ADAMTS14: variants seen among roughly 807,000 people sequenced by gnomAD.
ADAMTS14 encodes A disintegrin and metalloproteinase with thrombospondin motifs 14.
ADAMTS14 carries 100 observed loss-of-function variants against 128.6 expected under a neutral mutation model. The observed-to-expected ratio is 0.78, with a 90% confidence interval of 0.66 to 0.92. The LOEUF (loss-of-function observed/expected upper bound fraction) is 0.92, where lower values mean the gene tolerates loss of function less well. Among genes scored for constraint, ADAMTS14 ranks in the 40% least tolerant of loss-of-function variants. The pLI is 0.00. For missense variants in ADAMTS14, 1,562 were observed against 1,658.6 expected (o/e 0.94, Z 1.01); for synonymous variants, 665 against 653.8 (o/e 1.02, Z -0.26).
At chr10:70,686,859 C>T (rs1839976167) in intron 2 of ADAMTS14, among the ~76,000 whole-genome samples, 1 of 77,466 alleles carries the variant, frequency 1.3e-5, no homozygotes, top group Non-Finnish European at 2.8e-5. Flanking sequence ...CCGGACGGGG[C>T]GGCTGGCTGG....
chr10:70,730,892 C>T (rs1343002638), intron 6 of ADAMTS14, among the ~76,000 whole-genome samples: 3 of 152,082 alleles, frequency 2.0e-5, no homozygotes, highest in Non-Finnish European at 2.9e-5. Context: ...AGAGACTTGC[C>T]CATGTGGTTT....
Position 70,674,077 on chromosome 10 carries a change from T to C in ADAMTS14, c.83-479T>C, listed in dbSNP as rs534812311. Reference sequence around the variant, plus strand: ...TCCTTGACACGTGCCCATGGTCCCCTGGGTTTCTAGGTGTGTTTGTTTTGC... The same window carrying C: ...TCCTTGACACGTGCCCATGGTCCCCCGGGTTTCTAGGTGTGTTTGTTTTGC... On this transcript the variant is annotated intron_variant, in intron 1 of 21. Transcript: ENST00000373207. Among the ~76,000 whole-genome samples, 8 of 152,232 alleles carry C rather than the reference T, an allele frequency of 5.3e-5. No individual in the cohort carries two copies. The East Asian group carries it at 1.2e-3, about 22-fold the overall frequency.
intron 13 of ADAMTS14, among the ~76,000 whole-genome samples, 173 bp from the exon 14 acceptor site, chr10:70,743,893 G>A (rs1051607622): frequency 3.3e-5 from 5 of 152,154 alleles, no homozygotes; most frequent in African/African-American, 1.2e-4. Flanking sequence ...TCATCACGCC[G>A]GGTGTAAGAC....
chr10:70,750,118 A>T lies in ADAMTS14; in HGVS notation c.2427+133A>T, dbSNP rs534906989. 4.2e-5 allele frequency: 49 copies of T among 1,173,832 alleles called. No individual in the cohort carries two copies. The African/African-American group carries it at 6.9e-4, about 17-fold the overall frequency. 72.7% of individuals were successfully genotyped at this position (1,173,832 alleles called of 1,614,324 possible). ...CCTGGGCAAGGGCAAGGCACCTTCC[A>T]TCCTGGGATTAGCTCCTCATTTGTG... is the stretch of plus-strand genomic sequence containing the variant. On this transcript the variant is annotated intron_variant, in intron 16 of 21. Transcript: ENST00000373207.
At chr10:70,707,806 C>T (rs1840712788) in intron 3 of ADAMTS14, among the ~76,000 whole-genome samples, 1 of 152,080 alleles carries the variant, frequency 6.6e-6, no homozygotes, top group East Asian at 1.9e-4. Context: ...GGCCCAGGGC[C>T]AGATATAGCC....
chr10:70,691,957 T>TTTCGTGCCATTCTAAATGTCCCTC (rs1464808734), intron 2 of ADAMTS14, among the ~76,000 whole-genome samples: 4 of 152,200 alleles, frequency 2.6e-5, no homozygotes, highest in African/African-American at 9.7e-5. Flanking sequence ...AAATGTCCCT[T>TTTCGTGCCATTCTAAATGTCCCTC]TTCGTGCCAT....
intron 2 of ADAMTS14, among the ~76,000 whole-genome samples, chr10:70,683,441 G>A (rs1839872607): frequency 6.6e-6 from 1 of 152,226 alleles, no homozygotes; most frequent in Non-Finnish European, 1.5e-5. Flanking sequence ...TGGGTCTTCA[G>A]TGTGGAAAGA....
chr10:70,743,974 T>C, intron 13 of ADAMTS14, 92 bp from the exon 14 acceptor site: 2 of 1,480,806 alleles, frequency 1.4e-6, no homozygotes, highest in Non-Finnish European at 1.8e-6. Context: ...AGAGGTCTTC[T>C]CCTGACCAGG....
chr10:70,759,129 T>TTTTTTTTTTTTTTTTGAG lies in ADAMTS14; in HGVS notation c.3178+844_3178+845insTTTTTTTTTTTTTTTGAG. Among the ~76,000 whole-genome samples the TTTTTTTTTTTTTTTTGAG allele has an allele frequency of 1.8e-5, 2 of 112,612 alleles. 1 individual carries two copies. Among genetic ancestry groups the TTTTTTTTTTTTTTTTGAG allele is most frequent in the African/African-American group, 6.6e-5 (2 of 30,308 alleles). 73.9% of individuals were successfully genotyped at this position (112,612 alleles called of 152,430 possible). ...AAAGGACCTTCTACCTCCAATCTTCTACTTCTCTGCTCCTAGGCTGAGGTT... is the reference window on the plus strand; with the variant it reads ...AAAGGACCTTCTACCTCCAATCTTCTTTTTTTTTTTTTTTTGAGACTTCTCTGCTCCTAGGCTGAGGTT... On this transcript the variant is annotated intron_variant, in intron 21 of 21. Transcript: ENST00000373207.
Position 70,697,688 on chromosome 10 carries a change from C to T in ADAMTS14, c.523-4624C>T, listed in dbSNP as rs377739234. ...GCACTTGCTCAGTTGTGGTTCACAG[C>T]GGGACACAAGGTGATTTCTAAGCCA... On this transcript the variant is annotated intron_variant, in intron 2 of 21. Transcript: ENST00000373207. Among the ~76,000 whole-genome samples the T allele has an allele frequency of 1.1e-4, 16 of 152,288 alleles. No homozygotes were observed. The East Asian group carries it at 1.7e-3, about 16-fold the overall frequency.
chr10:70,724,025 C>T (rs1449702164), intron 4 of ADAMTS14, among the ~76,000 whole-genome samples: 1 of 152,188 alleles, frequency 6.6e-6, no homozygotes, highest in African/African-American at 2.4e-5. Flanking sequence ...TTCCTCTCCC[C>T]ATAGGGTTGT....
At chr10:70,712,234 G>A (rs922693248) in intron 4 of ADAMTS14, among the ~76,000 whole-genome samples, 1 of 152,106 alleles carries the variant, frequency 6.6e-6, no homozygotes, top group African/African-American at 2.4e-5. Flanking sequence ...CCAGCAGGTG[G>A]GGGACAAGAG....
chr10:70,733,950 T>C lies in ADAMTS14; in HGVS notation c.1274T>C (p.Met425Thr), dbSNP rs778510180. 1.9e-6 allele frequency: 3 copies of C among 1,613,776 alleles called. No individual in the cohort carries two copies. The highest frequency in any genetic ancestry group is 2.2e-5 in the South Asian group (2 of 91,088). Residue 425 changes from methionine to threonine, a missense_variant, in exon 8 of 22, where the codon ATG (methionine) becomes ACG (threonine). Met to Thr is a moderately conservative substitution (Grantham distance 81). Transcript: ENST00000373207. ...GATGAGACCAGCCTGGGCAGCGTCA[T>C]GGCGCCCCTGGTGCAGGCTGCCTTC... ...CADETSLGSV[M>T]APLVQAAFHR...
chr10:70,718,632 C>T (rs375827435), intron 4 of ADAMTS14, among the ~76,000 whole-genome samples: 4 of 150,394 alleles, frequency 2.7e-5, no homozygotes, highest in Admixed American at 6.6e-5. Context: ...GTGACCTGCC[C>T]GCCTCAGCCT....
At chr10:70,751,140 G>A (rs74142706) in intron 16 of ADAMTS14, among the ~76,000 whole-genome samples, 2,386 of 152,292 alleles carry the variant, frequency 0.016, 61 homozygotes, top group African/African-American at 0.054. Flanking sequence ...GCCTTCTAGA[G>A]CCAGGCAGTG....
At chr10:70,759,381 T>C (rs1487724943) in intron 21 of ADAMTS14, among the ~76,000 whole-genome samples, 1 of 152,008 alleles carries the variant, frequency 6.6e-6, no homozygotes, top group Non-Finnish European at 1.5e-5. Context: ...CTGGCAAAAA[T>C]TAGTAGAAAG....
chr10:70,683,130 T>C (rs1217024956), intron 2 of ADAMTS14, among the ~76,000 whole-genome samples: 1 of 152,236 alleles, frequency 6.6e-6, no homozygotes, highest in Non-Finnish European at 1.5e-5. Flanking sequence ...ACGCTGTCCC[T>C]GGGCCTCAGA....
At chr10:70,757,760 T>G (rs1210922705) in intron 19 of ADAMTS14, among the ~76,000 whole-genome samples, 1 of 152,172 alleles carries the variant, frequency 6.6e-6, no homozygotes, top group Non-Finnish European at 1.5e-5. Context: ...CAGGACTATT[T>G]GGCAACAGGT....
chr10:70,696,050 G>A (rs1013523165), intron 2 of ADAMTS14, among the ~76,000 whole-genome samples: 1 of 152,220 alleles, frequency 6.6e-6, no homozygotes, highest in African/African-American at 2.4e-5. Flanking sequence ...AACGCTTTCT[G>A]CTGTGGAGGG....
Sources: allele counts gnomAD v4.1 joint callset (sites outside exome capture counted in the v4.1 genomes callset), GRCh38; gene constraint gnomAD v4.1.1; transcripts MANE v1.5; gene names NCBI Gene and HGNC (gene_info 2026-07-23, HGNC 2026-07-21).